MEGF8: variants seen among roughly 807,000 people sequenced by gnomAD.
The protein encoded by MEGF8 is multiple EGF like domains 8, also known as multiple epidermal growth factor-like domains protein 8.
MEGF8 carries 156 observed loss-of-function variants against 302.9 expected under a neutral mutation model. That is an observed-to-expected ratio of 0.52 (90% confidence interval 0.45 to 0.59). The LOEUF (loss-of-function observed/expected upper bound fraction) is 0.59. MEGF8 is among the 20% of genes least tolerant of loss of function. The pLI is 0.00. For missense variants in MEGF8, 3,345 were observed against 3,964.5 expected (o/e 0.84, Z 4.20); for synonymous variants, 1,621 against 1,660.5 (o/e 0.98, Z 0.58).
intron 3 of MEGF8, 127 bp from the exon 4 acceptor site, chr19:42,334,908 G>C: frequency 1.1e-6 from 1 of 893,064 alleles, no homozygotes; most frequent in Non-Finnish European, 1.6e-6. Flanking sequence ...CTTCCTGTCT[G>C]TCTCTTTCTC....
rs2039366144 is a variant in MEGF8, at chr19:42,351,208, A to AGTGGGGTTCTGACTCCTCTGCCCAACTGC, written c.2737-8_2737-7insGTGGGGTTCTGACTCCTCTGCCCAACTGC. ...GGGTTCTGACTCCTCTGCCCAACTG[A>AGTGGGGTTCTGACTCCTCTGCCCAACTGC]CCCCCAGGACCCCTTCTGTGAGTGG... On this transcript the variant is annotated splice_region_variant and splice_polypyrimidine_tract_variant and intron_variant, in intron 15 of 41. Coordinates refer to ENST00000251268, the MANE Select transcript of MEGF8 (RefSeq NM_001271938.2). This position sits in a 1 kb window ranked among gnomAD's most constrained non-coding sequence, Gnocchi z 5.6. 6.4e-7 allele frequency: 1 copy of AGTGGGGTTCTGACTCCTCTGCCCAACTGC among 1,552,500 alleles called. No individual in the cohort carries two copies. The highest frequency in any genetic ancestry group is 1.4e-5 in the African/African-American group (1 of 72,856).
In MEGF8 at chr19:42,358,137, T is replaced by TC; in HGVS notation, c.5012-6dup. On this transcript the variant is annotated splice_polypyrimidine_tract_variant and splice_region_variant and intron_variant, in intron 28 of 41. Transcript: ENST00000251268. This position sits in a 1 kb window ranked among gnomAD's most constrained non-coding sequence, Gnocchi z 4.4. ...CTCCCCCAGCCTGTCACCCTGCCCC[T>TC]CACCAGGTCTCTATGGTCACTCTGC... The TC allele has an allele frequency of 6.4e-7, 1 of 1,561,158 alleles. No individual in the cohort carries two copies. The highest frequency in any genetic ancestry group is 8.7e-7 in the Non-Finnish European group (1 of 1,155,120).
rs1448891887 is a variant in MEGF8, at chr19:42,357,056, C to T, written c.4830+75C>T. The T allele has an allele frequency of 7.2e-7, 1 of 1,385,598 alleles. No individual in the cohort carries two copies. Among genetic ancestry groups the T allele is most frequent in the African/African-American group, 1.4e-5 (1 of 69,488 alleles). The allele number at this position is 1,385,598 out of a possible 1,614,324, so 85.8% of individuals were successfully genotyped here. ...CAGAGACAGCTGTGGTAGCTCCTGC[C>T]AGCTCCATCCCCAGAGGAAACAGAA... is the stretch of plus-strand genomic sequence containing the variant. On this transcript the variant is annotated intron_variant, in intron 27 of 41. Coordinates refer to ENST00000251268, the MANE Select transcript of MEGF8 (RefSeq NM_001271938.2). This position sits in a 1 kb window ranked among gnomAD's most constrained non-coding sequence, Gnocchi z 5.2.
rs758179285 is a variant in MEGF8 at position 42,353,491 on chromosome 19, C to G, written c.3577C>G (p.Arg1193Gly). ...CTGGACATGGGGGGAGCACTGCGAA[C>G]GATGCCGGCCCGGCAGCTTCGGCAA... ...QDWTWGEHCE[R>G]CRPGSFGNAT... The change falls in exon 21 of 42, where the codon CGA (arginine) becomes GGA (glycine). Residue 1193 changes from arginine to glycine, a missense_variant. By Grantham distance (125) the Arg-to-Gly change is moderately radical (BLOSUM62 -2). Coordinates refer to ENST00000251268, the MANE Select transcript of MEGF8 (RefSeq NM_001271938.2). This position sits in a 1 kb window ranked among gnomAD's most constrained non-coding sequence, Gnocchi z 6.1. The G allele has an allele frequency of 2.5e-6, 4 of 1,610,826 alleles. No individual in the cohort carries two copies. The highest frequency in any genetic ancestry group is 2.2e-5 in the South Asian group (2 of 90,770).
At position 42,356,848 on chromosome 19, in the gene MEGF8, G is replaced by C. The variant is rs397515427; in HGVS notation, c.4697G>C (p.Arg1566Pro). The C allele has an allele frequency of 5.7e-6, 9 of 1,574,384 alleles. No individual in the cohort carries two copies. The highest frequency in any genetic ancestry group is 7.8e-6 in the Non-Finnish European group (9 of 1,160,376). Reference protein sequence around the residue: ...AEDGGPGPSPRSFHAAAYVPA... With the variant: ...AEDGGPGPSPPSFHAAAYVPA... ...GACGGGGGCCCAGGCCCATCGCCCCGCTCCTTCCATGCAGCCGCATATGTG... is the reference window on the plus strand; with the variant it reads ...GACGGGGGCCCAGGCCCATCGCCCCCCTCCTTCCATGCAGCCGCATATGTG... Residue 1566 changes from arginine (R) to proline (P), a missense_variant, in exon 27 of 42, where the codon CGC (arginine) becomes CCC (proline). Physicochemically the swap from Arg to Pro is moderately radical, Grantham distance 103. Transcript: ENST00000251268. This position sits in a 1 kb window ranked among gnomAD's most constrained non-coding sequence, Gnocchi z 5.2.
In MEGF8 at chr19:42,376,987, C is replaced by A; in HGVS notation, c.*212C>A. On this transcript the variant is annotated 3_prime_UTR_variant, in exon 42 of 42. Coordinates refer to ENST00000251268, the MANE Select transcript of MEGF8 (RefSeq NM_001271938.2). This position sits in a 1 kb window ranked among gnomAD's most constrained non-coding sequence, Gnocchi z 8.2. Reference sequence around the variant, plus strand: ...GTCAGGCACTGTCATAGGCGTGGGGCAAAGCAGGAACCAAGAGACGAGGTT... The same window carrying A: ...GTCAGGCACTGTCATAGGCGTGGGGAAAAGCAGGAACCAAGAGACGAGGTT... The A allele has an allele frequency of 4.1e-6, 2 of 488,270 alleles. No individual in the cohort carries two copies. The highest frequency in any genetic ancestry group is 6.3e-5 in the South Asian group (1 of 15,866). The allele number at this position is 488,270 out of a possible 1,614,324, so 30.2% of individuals were successfully genotyped here.
chr19:42,362,155 G>A lies in MEGF8; in HGVS notation c.5786G>A (p.Arg1929Gln), dbSNP rs914334810. The A allele has an allele frequency of 1.5e-5, 24 of 1,611,298 alleles. No individual in the cohort carries two copies. Among genetic ancestry groups the A allele is most frequent in the African/African-American group, 5.3e-5 (4 of 74,850 alleles). ...PRSPEECRRL[R>Q]TCSECLARHP... ...TCCCCGGAGGAATGTCGACGTCTCC[G>A]GACCTGCAGTGAGTGCCTGGCCCGC... The change falls in exon 33 of 42, where the codon CGG (arginine) becomes CAG (glutamine). Residue 1929 changes from arginine (R) to glutamine (Q), a missense_variant. Physicochemically the swap from Arg to Gln is conservative, Grantham distance 43 (BLOSUM62 1). Coordinates refer to ENST00000251268, the MANE Select transcript of MEGF8 (RefSeq NM_001271938.2).
rs1333318924 is a variant in MEGF8, at chr19:42,354,562, T to C, written c.4012-26T>C. On this transcript the variant is annotated intron_variant, in intron 22 of 41. Coordinates refer to ENST00000251268, the MANE Select transcript of MEGF8 (RefSeq NM_001271938.2). The surrounding 1 kb of genome is among the most constrained non-coding windows in gnomAD (Gnocchi z 4.3). Reference sequence around the variant, plus strand: ...TGTCGTTCTCATCCTCATTGTCTCCTAATCCTCGATTCTGCACCCCTCTAG... The same window carrying C: ...TGTCGTTCTCATCCTCATTGTCTCCCAATCCTCGATTCTGCACCCCTCTAG... 1 of 1,598,266 alleles carries C rather than the reference T, an allele frequency of 6.3e-7. No individual in the cohort carries two copies. The highest frequency in any genetic ancestry group is 2.2e-5 in the East Asian group (1 of 44,520).
rs1600084224 is a variant in MEGF8, at chr19:42,377,212, A to C, written c.*437A>C. The C allele has an allele frequency of 6.1e-6, 1 of 164,720 alleles. No homozygotes were observed. Among genetic ancestry groups the C allele is most frequent in the East Asian group, 1.7e-4 (1 of 5,754 alleles). 10.2% of individuals were successfully genotyped at this position (164,720 alleles called of 1,614,324 possible). On this transcript the variant is annotated 3_prime_UTR_variant, in exon 42 of 42. Coordinates refer to ENST00000251268, the MANE Select transcript of MEGF8 (RefSeq NM_001271938.2). ...GTGAAGTCAGCTGGGCATTCAAAGA[A>C]GCTAGACTGAGAACGCCTGAGAAGA...
chr19:42,341,448 A>C (rs1019472796), intron 8 of MEGF8, among the ~76,000 whole-genome samples: 252 of 151,640 alleles, frequency 1.7e-3, no homozygotes, highest in African/African-American at 6.0e-3. Context: ...AAAAAAAAAA[A>C]AACACACATA....
At position 42,336,913 on chromosome 19, in the gene MEGF8, C is replaced by T; in HGVS notation, c.1351C>T (p.His451Tyr). Residue 451 changes from histidine to tyrosine, a missense_variant, in exon 7 of 42, where the codon CAC (histidine) becomes TAC (tyrosine). His to Tyr is a moderately conservative substitution (Grantham distance 83). Transcript: ENST00000251268. The surrounding 1 kb of genome is among the most constrained non-coding windows in gnomAD (Gnocchi z 4.8). ...TCAGGGCCCAAGGGAGCGAGCCTTC[C>T]ACACAGCCAGTGTTCTGGGCAATTA... ...GLQGPRERAF[H>Y]TASVLGNYMV... is the part of the protein sequence containing the mutation. 1 of 1,613,838 alleles carries T rather than the reference C, an allele frequency of 6.2e-7. No individual in the cohort carries two copies. The highest frequency in any genetic ancestry group is 8.5e-7 in the Non-Finnish European group (1 of 1,179,806).
chr19:42,369,269 C>T lies in MEGF8; in HGVS notation c.6642-262C>T, dbSNP rs1383764034. On this transcript the variant is annotated intron_variant, in intron 37 of 41. Coordinates refer to ENST00000251268, the MANE Select transcript of MEGF8 (RefSeq NM_001271938.2). The surrounding 1 kb of genome is among the most constrained non-coding windows in gnomAD (Gnocchi z 5.7). ...CCGAGGCAGGTGGATCACTTAAGGCCAGGAGTTCGAGACCAGTCCACAGGG... is the reference window on the plus strand; with the variant it reads ...CCGAGGCAGGTGGATCACTTAAGGCTAGGAGTTCGAGACCAGTCCACAGGG... 6.6e-6 allele frequency among the ~76,000 whole-genome samples: 1 copy of T among 152,074 alleles called. No homozygotes were observed. The highest frequency in any genetic ancestry group is 1.5e-5 in the Non-Finnish European group (1 of 68,010).
chr19:42,365,304 G>A (rs762879609), intron 35 of MEGF8, among the ~76,000 whole-genome samples: 23 of 152,152 alleles, frequency 1.5e-4, no homozygotes, highest in Non-Finnish European at 3.2e-4. Flanking sequence ...AAGAGCTGGG[G>A]CAGCTAAGGA....
intron 1 of MEGF8, among the ~76,000 whole-genome samples, chr19:42,328,590 G>GTGTGTGTGTGTGTGT (rs57025235): frequency 4.6e-5 from 7 of 151,670 alleles, no homozygotes; most frequent in African/African-American, 1.2e-4. Context: ...GTGTGTGTGT[G>GTGTGTGTGTGTGTGT]GCGAAGGGGT....
intron 1 of MEGF8, among the ~76,000 whole-genome samples, chr19:42,331,271 C>A (rs1488345145): frequency 6.6e-6 from 1 of 152,162 alleles, no homozygotes; most frequent in Non-Finnish European, 1.5e-5. Context: ...GATCACCCAG[C>A]CATTGGCAGT....
chr19:42,356,414 G>C lies in MEGF8; in HGVS notation c.4583G>C (p.Gly1528Ala). The C allele has an allele frequency of 6.2e-7, 1 of 1,610,990 alleles. No homozygotes were observed. Among genetic ancestry groups the C allele is most frequent in the South Asian group, 1.1e-5 (1 of 90,516 alleles). The change falls in exon 26 of 42, where the codon GGC (glycine) becomes GCC (alanine). Residue 1528 changes from glycine to alanine, a missense_variant. Physicochemically the swap from Gly to Ala is moderately conservative, Grantham distance 60. Transcript: ENST00000251268. This position sits in a 1 kb window ranked among gnomAD's most constrained non-coding sequence, Gnocchi z 5.2. ...GATGCCACCTTGTGGATGTTTGGGG[G>C]CCTGGGCCTGCCCCAGGGGCTGCTG... The part of the protein sequence containing the change: ...GPDATLWMFG[G>A]LGLPQGLLGN...
rs1296638034 is a variant in MEGF8 at position 42,358,276 on chromosome 19, G to A, written c.5144G>A (p.Trp1715Ter). Residue 1715 changes from tryptophan (W) to a stop codon, truncating the protein, a stop_gained, in exon 29 of 42, where the codon TGG (tryptophan) becomes TAG (stop). Transcript: ENST00000251268. LOFTEE classifies it high-confidence loss of function. This position sits in a 1 kb window ranked among gnomAD's most constrained non-coding sequence, Gnocchi z 4.4. ...LYSLHCPDRT[W>*]SLLAPSQGAK... ...TCCCTGCACTGTCCTGACCGCACCT[G>A]GAGTCTGCTGGCCCCTTCTCAGGGG... 1 of 1,605,458 alleles carries A rather than the reference G, an allele frequency of 6.2e-7. No individual in the cohort carries two copies. The highest frequency in any genetic ancestry group is 1.3e-5 in the African/African-American group (1 of 74,748).
At chr19:42,333,832 GAGTC>G (rs2147446417) in intron 2 of MEGF8, 64 bp downstream of exon 2, 1 of 1,586,246 alleles carries the variant, frequency 6.3e-7, no homozygotes, top group Non-Finnish European at 8.6e-7. Context: ...GAGGGACAGA[GAGTC>G]AGTAAGAGGG....
In MEGF8 at chr19:42,372,072, C is replaced by A. The variant is rs866864703; in HGVS notation, c.7269+590C>A. 9.1e-3 allele frequency among the ~76,000 whole-genome samples: 704 copies of A among 77,692 alleles called. 8 individuals are homozygous for A. Among genetic ancestry groups the A allele is most frequent in the African/African-American group, 0.026 (666 of 25,344 alleles). 51.0% of individuals were successfully genotyped at this position (77,692 alleles called of 152,430 possible). ...ACAACAACAACAACAACAACAACAA[C>A]AAACACACACACACACACACACACA... On this transcript the variant is annotated intron_variant, in intron 41 of 41. Transcript: ENST00000251268.
Sources: allele counts gnomAD v4.1 joint callset (sites outside exome capture counted in the v4.1 genomes callset), GRCh38; gene constraint gnomAD v4.1.1; non-coding constraint Gnocchi (gnomAD v3.1); transcripts MANE v1.5; gene names NCBI Gene and HGNC (gene_info 2026-07-23, HGNC 2026-07-21).